Variants in PIGU observed in about 807,000 individuals in gnomAD.
The protein encoded by PIGU is phosphatidylinositol glycan anchor biosynthesis class U, also known as GPI-anchor transamidase component PIGU.
In PIGU, 24 loss-of-function variants were observed where a neutral mutation model predicts 49.9. The observed-to-expected ratio is 0.48, with a 90% CI of 0.35 to 0.68. The LOEUF (loss-of-function observed/expected upper bound fraction) is 0.68. Among genes scored for constraint, PIGU ranks in the 30% least tolerant of loss-of-function variants. PIGU has a pLI of 0.01. For synonymous variants in PIGU, 220 were observed against 205.7 expected (o/e 1.07, Z -0.59); for missense variants, 490 against 532.6 (o/e 0.92, Z 0.79).
chr20:34,638,035 T>A, intron 4 of PIGU, 50 bp from the exon 5 acceptor site: 1 of 1,543,664 alleles, frequency 6.5e-7, no homozygotes, highest in South Asian at 1.2e-5. Flanking sequence ...ACAATTCACT[T>A]CCCATTGTTT....
chr20:34,668,424 TGCAC>T (rs1568667874), intron 1 of PIGU, among the ~76,000 whole-genome samples: 17 of 121,018 alleles, frequency 1.4e-4, no homozygotes, highest in Non-Finnish European at 2.5e-4. Context: ...ATCTCGCCAC[TGCAC>T]TCCAGCCTGG....
chr20:34,613,612 C>T (rs958175797), intron 7 of PIGU, among the ~76,000 whole-genome samples: 3 of 152,042 alleles, frequency 2.0e-5, no homozygotes, highest in Admixed American at 6.6e-5. Flanking sequence ...TTATTTGATA[C>T]ATAGTTGTAT....
chr20:34,637,885 A>C lies in PIGU; in HGVS notation c.419T>G (p.Val140Gly), dbSNP rs368019105. 41 of 1,610,504 alleles carry C rather than the reference A, an allele frequency of 2.5e-5. No individual in the cohort carries two copies. The highest frequency in any genetic ancestry group is 4.4e-5 in the South Asian group (4 of 90,320). Residue 140 changes from valine (V) to glycine (G), a missense_variant, in exon 5 of 12, where the codon GTG becomes GGG. Transcript: ENST00000217446. ...GTCAGGGAATACTTACAACAGGGCC[A>C]CTTTCAAAGGGATGTAACGCATTTC... ...PMEMRYIPLKVALFYLLNPYT... is the reference protein window; with the variant it reads ...PMEMRYIPLKGALFYLLNPYT...
intron 1 of PIGU, among the ~76,000 whole-genome samples, chr20:34,659,364 G>A (rs1404705697): frequency 5.5e-5 from 8 of 144,684 alleles, no homozygotes; most frequent in African/African-American, 1.0e-4. Context: ...CCTCTGCCCG[G>A]CCGCCCCTAC....
At position 34,631,772 on chromosome 20, in the gene PIGU, T is replaced by C. The variant is rs1159295534; in HGVS notation, c.529+2843A>G. 4.7e-3 allele frequency among the ~76,000 whole-genome samples: 20 copies of C among 4,226 alleles called. 1 individual carries two copies. The highest frequency in any genetic ancestry group is 0.026 in the African/African-American group (20 of 762). 2.8% of individuals were successfully genotyped at this position (4,226 alleles called of 152,430 possible). A position where few individuals can be genotyped will look rare whatever the true frequency, so the allele number is the denominator to read the frequency against. On this transcript the variant is annotated intron_variant, in intron 6 of 11. Coordinates refer to ENST00000217446, the MANE Select transcript of PIGU (RefSeq NM_080476.5). ...ATATATATATATATATATATATATA[T>C]ATATATATATATATTTTTTTTTTTT...
intron 1 of PIGU, among the ~76,000 whole-genome samples, chr20:34,670,097 G>C (rs892498929): frequency 6.6e-6 from 1 of 152,128 alleles, no homozygotes; most frequent in Admixed American, 6.6e-5. Flanking sequence ...TCTTGACTTG[G>C]ATGACAGTTA....
intron 7 of PIGU, among the ~76,000 whole-genome samples, chr20:34,598,367 A>G (rs997592394): frequency 6.6e-6 from 1 of 152,204 alleles, no homozygotes; most frequent in African/African-American, 2.4e-5. Context: ...TAAGATAAGC[A>G]TAGAGAGGTA....
At chr20:34,676,935 T>G (rs1402566371) in intron 1 of PIGU, 21 bp downstream of exon 1, 2 of 1,560,528 alleles carry the variant, frequency 1.3e-6, no homozygotes, top group Admixed American at 1.9e-5. Context: ...CCTGACAGTC[T>G]GCTCGAGCCA....
intron 7 of PIGU, among the ~76,000 whole-genome samples, chr20:34,602,281 T>C (rs1162494798): frequency 6.6e-6 from 1 of 151,052 alleles, no homozygotes; most frequent in Non-Finnish European, 1.5e-5. Flanking sequence ...GACTCCATCA[T>C]AAAATGAAAT....
At position 34,637,993 on chromosome 20, in the gene PIGU, A is replaced by G. The variant is rs1281927310; in HGVS notation, c.319-8T>C. The G allele has an allele frequency of 1.3e-5, 21 of 1,557,340 alleles. No homozygotes were observed. The highest frequency in any genetic ancestry group is 1.7e-5 in the Non-Finnish European group (20 of 1,159,972). ...GAGTTTCTGCTTTTTAAACTAGAAAAAAAAAAAAAAGGAAAAGATAAAACA... is the reference window on the plus strand; with the variant it reads ...GAGTTTCTGCTTTTTAAACTAGAAAGAAAAAAAAAAGGAAAAGATAAAACA... On this transcript the variant is annotated splice_region_variant and splice_polypyrimidine_tract_variant and intron_variant, in intron 4 of 11. Coordinates refer to ENST00000217446, the MANE Select transcript of PIGU (RefSeq NM_080476.5).
rs750164264 is a variant in PIGU, at chr20:34,581,538, G to T, written c.1051+10C>A. ...TGACACAAATCTGTGGCAGAGGCGG[G>T]AGTACTCACATCTGTAGAGATGGTT... is the stretch of plus-strand genomic sequence containing the variant. On this transcript the variant is annotated intron_variant, in intron 10 of 11. Coordinates refer to ENST00000217446, the MANE Select transcript of PIGU (RefSeq NM_080476.5). The T allele has an allele frequency of 1.2e-6, 2 of 1,610,416 alleles. No individual in the cohort carries two copies. Among genetic ancestry groups the T allele is most frequent in the South Asian group, 2.2e-5 (2 of 90,782 alleles).
chr20:34,580,881 A>G (rs1209440408), intron 10 of PIGU, among the ~76,000 whole-genome samples: 1 of 152,100 alleles, frequency 6.6e-6, no homozygotes, highest in African/African-American at 2.4e-5. Flanking sequence ...GGATGGTTAG[A>G]GCTTAGAGGG....
chr20:34,604,948 G>A (rs766859870), intron 7 of PIGU, among the ~76,000 whole-genome samples: 20 of 152,016 alleles, frequency 1.3e-4, no homozygotes, highest in Non-Finnish European at 2.6e-4. Context: ...AAGGCTTTAG[G>A]AATCCCAAGC....
At chr20:34,613,601 T>C (rs980784349) in intron 7 of PIGU, among the ~76,000 whole-genome samples, 3 of 152,368 alleles carry the variant, frequency 2.0e-5, no homozygotes, top group African/African-American at 7.2e-5. Flanking sequence ...TACTATATTA[T>C]TTATTTGATA....
At chr20:34,588,653 G>C (rs530611515) in intron 7 of PIGU, 46 bp from the exon 8 acceptor site, 3 of 1,563,348 alleles carry the variant, frequency 1.9e-6, no homozygotes, top group African/African-American at 1.4e-5. Context: ...GTAAACAACA[G>C]AGGGCAGCTA....
At chr20:34,574,474 G>A (rs1363103850) in intron 11 of PIGU, among the ~76,000 whole-genome samples, 1 of 152,132 alleles carries the variant, frequency 6.6e-6, no homozygotes, top group Non-Finnish European at 1.5e-5. Context: ...GGAACAGAGG[G>A]ACAGGCTTCC....
intron 1 of PIGU, among the ~76,000 whole-genome samples, chr20:34,672,307 GA>G (rs2146800317): frequency 6.6e-6 from 1 of 152,310 alleles, no homozygotes; most frequent in East Asian, 1.9e-4. Flanking sequence ...ATAGGTAACA[GA>G]AAAGATATTT....
chr20:34,577,715 CAAAA>C (rs1983295089), intron 10 of PIGU, among the ~76,000 whole-genome samples: 1 of 152,010 alleles, frequency 6.6e-6, no homozygotes, highest in Admixed American at 6.6e-5. Context: ...GACTCTGTCT[CAAAA>C]CAAACAAACA....
At chr20:34,659,784 T>C (rs865883259) in intron 1 of PIGU, among the ~76,000 whole-genome samples, 26 of 152,286 alleles carry the variant, frequency 1.7e-4, no homozygotes, top group Middle Eastern at 3.4e-3. Flanking sequence ...ACATGTGCTG[T>C]GTCCACTCAG....
Sources: allele counts gnomAD v4.1 joint callset (sites outside exome capture counted in the v4.1 genomes callset), GRCh38; gene constraint gnomAD v4.1.1; transcripts MANE v1.5; gene names NCBI Gene and HGNC (gene_info 2026-07-23, HGNC 2026-07-21).